ANGPT1: variants seen among roughly 807,000 people sequenced by gnomAD.
The protein encoded by ANGPT1 is angiopoietin-1.
Under a neutral mutation model 62.2 loss-of-function variants are expected in ANGPT1, and 17 were observed. That is an observed-to-expected ratio of 0.27 (90% CI 0.19 to 0.41). The LOEUF is 0.41. Among genes scored for constraint, ANGPT1 ranks in the 10% least tolerant of loss-of-function variants. The probability of loss-of-function intolerance (pLI) is 1.00; values close to 1 mark genes in which losing one functional copy is unlikely to be tolerated. For synonymous variants in ANGPT1, 199 were observed against 198.9 expected, an observed-to-expected ratio of 1.00 and a Z score of 0.00; for missense variants, 478 against 594.9, an observed-to-expected ratio of 0.80 and a Z score of 2.04.
intron 1 of ANGPT1, among the ~76,000 whole-genome samples, chr8:107,392,148 T>G (rs1383772210): frequency 1.3e-5 from 2 of 152,170 alleles, no homozygotes; most frequent in Admixed American, 1.3e-4. Flanking sequence ...ATATAAATAT[T>G]TGTGTATTAA....
chr8:107,455,248 G>C (rs186074159), intron 1 of ANGPT1, among the ~76,000 whole-genome samples: 1 of 152,032 alleles, frequency 6.6e-6, no homozygotes, highest in Non-Finnish European at 1.5e-5. Context: ...ACTGTTTCCT[G>C]TAAGTTTACT....
At chr8:107,357,479 T>C (rs1352705235) in intron 1 of ANGPT1, among the ~76,000 whole-genome samples, 1 of 152,150 alleles carries the variant, frequency 6.6e-6, no homozygotes, top group African/African-American at 2.4e-5. Context: ...CTGTTTCACT[T>C]AAAAAGAGAA....
At position 107,343,970 on chromosome 8, in the gene ANGPT1, G is replaced by A. The variant is rs1329512257; in HGVS notation, c.453+2972C>T. 2.0e-5 allele frequency among the ~76,000 whole-genome samples: 3 copies of A among 152,264 alleles called. No homozygotes were observed. The East Asian group carries it at 5.8e-4, about 29-fold the overall frequency. On this transcript the variant is annotated intron_variant, in intron 2 of 8. Coordinates refer to ENST00000517746, the MANE Select transcript of ANGPT1 (RefSeq NM_001146.5). ...CCAGCTGCTCATGAGGCTGGAGTGG[G>A]AGGATCACCTGAGACCAGAAGGTTG... is the stretch of plus-strand genomic sequence containing the variant.
intron 7 of ANGPT1, among the ~76,000 whole-genome samples, chr8:107,265,299 C>T (rs1249172563): frequency 6.6e-6 from 1 of 152,166 alleles, no homozygotes; most frequent in East Asian, 1.9e-4. Flanking sequence ...CCAAAGAGAA[C>T]ATTTTGACAA....
intron 7 of ANGPT1, among the ~76,000 whole-genome samples, chr8:107,275,007 G>A (rs761523463): frequency 3.3e-5 from 5 of 152,044 alleles, no homozygotes; most frequent in Admixed American, 1.3e-4. Flanking sequence ...AATCAAGGAC[G>A]AAGAGCTCTA....
intron 3 of ANGPT1, among the ~76,000 whole-genome samples, chr8:107,327,222 AT>A (rs1815310514): frequency 6.6e-6 from 1 of 152,072 alleles, no homozygotes. Flanking sequence ...TTTTAATTAT[AT>A]TGTTAATATA....
At chr8:107,496,574 C>T (rs1284478132) in intron 1 of ANGPT1, among the ~76,000 whole-genome samples, 1 of 152,168 alleles carries the variant, frequency 6.6e-6, no homozygotes, top group Non-Finnish European at 1.5e-5. Flanking sequence ...TGCATGTCTT[C>T]CTCAACAGCC....
intron 2 of ANGPT1, among the ~76,000 whole-genome samples, chr8:107,342,999 CTT>C (rs5893847): frequency 0.036 from 4,442 of 124,692 alleles, 89 homozygotes; most frequent in Middle Eastern, 0.056. Flanking sequence ...CCATGCCTGG[CTT>C]TTTTTTTTTT....
In ANGPT1 at chr8:107,464,530, G is replaced by A. The variant is rs560679942; in HGVS notation, c.297+32732C>T. Among the ~76,000 whole-genome samples, 4 of 152,048 alleles carry A rather than the reference G, an allele frequency of 2.6e-5. No individual in the cohort carries two copies. The South Asian group carries it at 8.3e-4, about 32-fold the overall frequency. On this transcript the variant is annotated intron_variant, in intron 1 of 8. Coordinates refer to ENST00000517746, the MANE Select transcript of ANGPT1 (RefSeq NM_001146.5). ...GTGTACTAGATGCTGATAATACTAT[G>A]ATCAAAGCCTATCCCTGACTTCTAG...
At chr8:107,336,409 TA>T (rs1815562410) in intron 2 of ANGPT1, 138 bp from the exon 3 acceptor site, 1 of 1,309,118 alleles carries the variant, frequency 7.6e-7, no homozygotes. Flanking sequence ...CTCACGCCTG[TA>T]ATCCCAGCAC....
chr8:107,386,902 T>C (rs1280438603), intron 1 of ANGPT1, among the ~76,000 whole-genome samples: 2 of 152,118 alleles, frequency 1.3e-5, no homozygotes, highest in African/African-American at 2.4e-5. Flanking sequence ...GAGTAATCTA[T>C]GGTAACGTGA....
chr8:107,483,214 C>T (rs886619498), intron 1 of ANGPT1, among the ~76,000 whole-genome samples: 1 of 152,112 alleles, frequency 6.6e-6, no homozygotes, highest in Non-Finnish European at 1.5e-5. Flanking sequence ...GCAAATTGCA[C>T]AAGTTTGATT....
intron 1 of ANGPT1, among the ~76,000 whole-genome samples, chr8:107,480,011 C>T (rs541770163): frequency 6.6e-6 from 1 of 152,212 alleles, no homozygotes; most frequent in African/African-American, 2.4e-5. Context: ...TGCCTAAAAA[C>T]AAACCTTATG....
chr8:107,385,058 C>T (rs1816707479), intron 1 of ANGPT1, among the ~76,000 whole-genome samples: 1 of 152,042 alleles, frequency 6.6e-6, no homozygotes, highest in Admixed American at 6.6e-5. Flanking sequence ...GTGAAATCAC[C>T]AGCTTTGTTA....
At chr8:107,252,169 T>C (rs544566547) in intron 8 of ANGPT1, among the ~76,000 whole-genome samples, 154 bp from the exon 9 acceptor site, 1 of 152,340 alleles carries the variant, frequency 6.6e-6, no homozygotes, top group Non-Finnish European at 1.5e-5. Context: ...ATATTCCCAG[T>C]AGTGAAACTG....
At chr8:107,481,242 T>C (rs1467618752) in intron 1 of ANGPT1, among the ~76,000 whole-genome samples, 1 of 151,998 alleles carries the variant, frequency 6.6e-6, no homozygotes, top group Non-Finnish European at 1.5e-5. Context: ...TCTTTAAAAA[T>C]CTGTAAAAGG....
At chr8:107,486,708 C>T (rs545596267) in intron 1 of ANGPT1, among the ~76,000 whole-genome samples, 1 of 152,216 alleles carries the variant, frequency 6.6e-6, no homozygotes, top group East Asian at 1.9e-4. Flanking sequence ...CCCAAGGTTA[C>T]ACAGCAAGTC....
intron 1 of ANGPT1, among the ~76,000 whole-genome samples, chr8:107,432,900 G>T (rs202131622): frequency 1.3e-5 from 2 of 151,790 alleles, no homozygotes; most frequent in Non-Finnish European, 2.9e-5. Flanking sequence ...TGGTTTAATC[G>T]TTCTTTTTAT....
intron 1 of ANGPT1, among the ~76,000 whole-genome samples, chr8:107,452,671 T>C (rs1178371655): frequency 6.6e-6 from 1 of 151,920 alleles, no homozygotes; most frequent in Non-Finnish European, 1.5e-5. Flanking sequence ...TTCTTAAATT[T>C]TAAAAAATAC....
Sources: allele counts gnomAD v4.1 joint callset (sites outside exome capture counted in the v4.1 genomes callset), GRCh38; gene constraint gnomAD v4.1.1; transcripts MANE v1.5; gene names NCBI Gene and HGNC (gene_info 2026-07-23, HGNC 2026-07-21).